The following AFG2A variants were observed in gnomAD, a reference collection of about 807,000 sequenced individuals.
AFG2A encodes the protein ATPase family gene 2 protein homolog A.
the AFG2A span, among the ~76,000 whole-genome samples, chr4:123,082,526 T>TC: frequency 1.2e-5 from 1 of 86,818 alleles, no homozygotes; most frequent in Non-Finnish European, 2.8e-5. Context: ...CTTTTTTCTT[T>TC]TTTTTTTTTT....
At chr4:123,228,504 G>A in the AFG2A span, among the ~76,000 whole-genome samples, 2 of 151,842 alleles carry the variant, frequency 1.3e-5, no homozygotes, top group Admixed American at 6.6e-5. Flanking sequence ...CAGAACACAA[G>A]GAAATGACAT....
At chr4:123,215,592 CT>C in the AFG2A span, among the ~76,000 whole-genome samples, 1 of 151,978 alleles carries the variant, frequency 6.6e-6, no homozygotes, top group Admixed American at 6.6e-5. Context: ...ATAGCCCATC[CT>C]TTTTTCCCCC....
At chr4:123,087,013 A>T in the AFG2A span, among the ~76,000 whole-genome samples, 2 of 152,164 alleles carry the variant, frequency 1.3e-5, no homozygotes, top group Non-Finnish European at 2.9e-5. Context: ...ATAGTTTTTT[A>T]AAAATTCCTG....
the AFG2A span, among the ~76,000 whole-genome samples, chr4:122,975,714 T>A: frequency 2.0e-5 from 3 of 152,046 alleles, no homozygotes. Flanking sequence ...TGTCTATCCT[T>A]TGCTTTGGAG....
At chr4:123,075,979 A>C in the AFG2A span, among the ~76,000 whole-genome samples, 56 of 143,022 alleles carry the variant, frequency 3.9e-4, no homozygotes, top group South Asian at 1.6e-3. Context: ...ACAACAACAA[A>C]AAAAAAAACA....
At chr4:123,207,835 T>C in the AFG2A span, among the ~76,000 whole-genome samples, 2 of 152,182 alleles carry the variant, frequency 1.3e-5, no homozygotes. Flanking sequence ...AGACTTAATA[T>C]TGTTAAGATG....
the AFG2A span, among the ~76,000 whole-genome samples, chr4:123,173,340 G>GTTTTTTTTT: frequency 3.7e-3 from 262 of 70,304 alleles, 19 homozygotes; most frequent in Non-Finnish European, 5.3e-3. Flanking sequence ...AAGTCCAATG[G>GTTTTTTTTT]TTTTTTTTTT....
the AFG2A span, among the ~76,000 whole-genome samples, chr4:122,924,509 A>G: frequency 6.6e-6 from 1 of 152,186 alleles, no homozygotes. Context: ...TGTGTTGTCA[A>G]ACTTGCCTGG....
chr4:123,282,005 GC>G, the AFG2A span, among the ~76,000 whole-genome samples: 4 of 152,132 alleles, frequency 2.6e-5, no homozygotes, highest in Admixed American at 2.6e-4. Context: ...TCACTACAGT[GC>G]TGGGTACATC....
the AFG2A span, among the ~76,000 whole-genome samples, chr4:123,272,850 T>C: frequency 6.6e-6 from 1 of 152,018 alleles, no homozygotes; most frequent in African/African-American, 2.4e-5. Flanking sequence ...ACTAGAGAGA[T>C]AGTGGTGGGG....
At chr4:123,025,844 G>T in the AFG2A span, among the ~76,000 whole-genome samples, 2 of 152,134 alleles carry the variant, frequency 1.3e-5, no homozygotes, top group Admixed American at 1.3e-4. Flanking sequence ...TGCATATCTT[G>T]TCTCATTAAG....
At chr4:123,203,210 G>A in the AFG2A span, among the ~76,000 whole-genome samples, 4 of 151,062 alleles carry the variant, frequency 2.6e-5, no homozygotes, top group African/African-American at 4.9e-5. Flanking sequence ...GGAGTGCAGT[G>A]GCATGATCTC....
At chr4:122,933,981 A>T in the AFG2A span, 1 of 1,176,392 alleles carries the variant, frequency 8.5e-7, no homozygotes, top group Non-Finnish European at 1.2e-6. Flanking sequence ...TTATTTTATT[A>T]ATACTCTGTC....
chr4:123,275,738 A>G, the AFG2A span, among the ~76,000 whole-genome samples: 2 of 152,138 alleles, frequency 1.3e-5, no homozygotes, highest in Non-Finnish European at 2.9e-5. Flanking sequence ...AAGTGAGAAC[A>G]TGTGGTATTT....
chr4:123,197,722 C>T, the AFG2A span, among the ~76,000 whole-genome samples: 2 of 151,434 alleles, frequency 1.3e-5, no homozygotes, highest in Admixed American at 1.3e-4. Flanking sequence ...GAGCTTAGAT[C>T]ACGCCATTGC....
chr4:122,961,308 A>C, the AFG2A span, among the ~76,000 whole-genome samples: 1 of 152,174 alleles, frequency 6.6e-6, no homozygotes, highest in African/African-American at 2.4e-5. Flanking sequence ...CTCTGGTAGA[A>C]GCTTGTTTGG....
the AFG2A span, among the ~76,000 whole-genome samples, chr4:122,985,576 G>A: frequency 2.6e-5 from 4 of 152,092 alleles, no homozygotes; most frequent in East Asian, 5.8e-4. Flanking sequence ...GCATACAGGT[G>A]TTCATAGTAG....
the AFG2A span, among the ~76,000 whole-genome samples, chr4:123,138,593 T>C: frequency 6.6e-6 from 1 of 152,180 alleles, no homozygotes; most frequent in Non-Finnish European, 1.5e-5. Context: ...TTTTTCAGTG[T>C]AATTTTAAAA....
the AFG2A span, among the ~76,000 whole-genome samples, chr4:123,074,335 T>C: frequency 2.0e-5 from 3 of 151,990 alleles, no homozygotes; most frequent in African/African-American, 7.2e-5. Context: ...CCTCAGGTGA[T>C]CCATCCATCT....
Sources: gnomAD v4.1 joint callset for allele counts (sites outside exome capture counted in the v4.1 genomes callset) on GRCh38, gnomAD v4.1.1 for gene constraint, MANE v1.5 for transcripts, NCBI Gene and HGNC (gene_info 2026-07-23, HGNC 2026-07-21) for gene names.